The following FGD4 variants were observed in gnomAD, a reference collection of about 807,000 sequenced individuals.
The protein encoded by FGD4 is FYVE, RhoGEF and PH domain containing 4.
In FGD4, 42 loss-of-function variants were observed where a neutral mutation model predicts 102.0. The ratio of observed to expected loss-of-function variants is 0.41; its 90% CI spans 0.32 to 0.53. FGD4 has a LOEUF of 0.53. Ranked by LOEUF, FGD4 falls within the 20% of genes least tolerant of loss-of-function variation. The pLI, the probability that FGD4 is intolerant of heterozygous loss-of-function variation, is 0.21. For synonymous variants in FGD4, 380 were observed against 375.7 expected, an observed-to-expected ratio of 1.01 and a Z score of -0.13; for missense variants, 902 against 1,078.2, an observed-to-expected ratio of 0.84 and a Z score of 2.29.
At chr12:32,581,241 T>A (rs1038009971) in intron 3 of FGD4, among the ~76,000 whole-genome samples, 1 of 152,056 alleles carries the variant, frequency 6.6e-6, no homozygotes, top group Non-Finnish European at 1.5e-5. Context: ...ACACAGTGAG[T>A]TAAGGAAGAA....
At chr12:32,631,842 T>A (rs1198884343) in intron 14 of FGD4, among the ~76,000 whole-genome samples, 1 of 152,188 alleles carries the variant, frequency 6.6e-6, no homozygotes. Context: ...TTTAAAAATC[T>A]GTCACTGAGT....
intron 1 of FGD4, among the ~76,000 whole-genome samples, chr12:32,547,854 C>T (rs73100117): frequency 0.1 from 15,393 of 152,042 alleles, 988 homozygotes; most frequent in Middle Eastern, 0.18. Flanking sequence ...TTATAGGTAC[C>T]CGCCACCACA....
intron 2 of FGD4, among the ~76,000 whole-genome samples, chr12:32,565,600 G>A (rs1050144385): frequency 4.6e-5 from 7 of 152,082 alleles, no homozygotes; most frequent in East Asian, 1.9e-4. Context: ...TACTTAAAAA[G>A]CCTTTATTTT....
intron 1 of FGD4, among the ~76,000 whole-genome samples, chr12:32,477,203 G>A (rs914273513): frequency 2.0e-5 from 3 of 151,872 alleles, no homozygotes; most frequent in Non-Finnish European, 4.4e-5. Flanking sequence ...CAGGAGAATC[G>A]CTTGAACCCA....
chr12:32,552,840 C>T (rs995632784), intron 1 of FGD4, among the ~76,000 whole-genome samples: 37 of 150,840 alleles, frequency 2.5e-4, no homozygotes, highest in African/African-American at 6.3e-4. Flanking sequence ...TGCAATGGCG[C>T]GATCTTGGCT....
chr12:32,582,357 G>T lies in FGD4; in HGVS notation c.901G>T (p.Val301Leu). 1 of 1,614,092 alleles carries T rather than the reference G, an allele frequency of 6.2e-7. No homozygotes were observed. ...SSYRTPGIGP[V>L]LPLEERGAET... ...CTACAGGACTCCAGGCATAGGCCCA[G>T]TGCTCCCCCTAGAAGAAAGAGGGGC... Residue 301 changes from valine (V) to leucine (L), a missense_variant, in exon 4 of 17, where the codon GTG (valine) becomes TTG (leucine). This residue lies in a region of FGD4 where 443 missense variants were observed against 459.2 expected (regional missense o/e 0.96). Coordinates refer to ENST00000534526, the MANE Select transcript of FGD4 (RefSeq NM_001370298.3).
intron 1 of FGD4, among the ~76,000 whole-genome samples, chr12:32,539,863 A>ATAT (rs1942658983): frequency 1.3e-5 from 2 of 152,220 alleles, no homozygotes; most frequent in Non-Finnish European, 2.9e-5. Flanking sequence ...TAGCAAAAAG[A>ATAT]AATTATACAA....
chr12:32,476,441 A>C (rs1243748267), intron 1 of FGD4, among the ~76,000 whole-genome samples: 3 of 152,186 alleles, frequency 2.0e-5, no homozygotes, highest in African/African-American at 7.2e-5. Flanking sequence ...AGATACCTTA[A>C]TTATATGACT....
intron 1 of FGD4, among the ~76,000 whole-genome samples, chr12:32,416,804 A>G (rs1234267407): frequency 6.6e-6 from 1 of 151,984 alleles, no homozygotes; most frequent in Non-Finnish European, 1.5e-5. Context: ...AAAAATTGCC[A>G]TGTTATATTC....
chr12:32,583,638 G>A (rs1946787297), intron 4 of FGD4, among the ~76,000 whole-genome samples: 1 of 152,192 alleles, frequency 6.6e-6, no homozygotes. Flanking sequence ...CTGCCTGGAT[G>A]GGGTTTCTGC....
At chr12:32,498,598 TTTTGTTTGTTTG>T (rs746921570) in intron 1 of FGD4, among the ~76,000 whole-genome samples, 7,651 of 152,138 alleles carry the variant, frequency 0.05, 269 homozygotes, top group South Asian at 0.098. Flanking sequence ...GTTATTGGTT[TTTTGTTTGTTTG>T]TTTGTTTGTT....
intron 1 of FGD4, among the ~76,000 whole-genome samples, chr12:32,507,471 T>C (rs1422346745): frequency 6.6e-6 from 1 of 152,178 alleles, no homozygotes; most frequent in East Asian, 1.9e-4. Context: ...GCTGTTATCC[T>C]CAATTTATGG....
rs1228883447 is a variant in FGD4, at chr12:32,638,692, G to A, written c.2351G>A (p.Cys784Tyr). 5.0e-6 allele frequency: 8 copies of A among 1,614,058 alleles called. No homozygotes were observed. The highest frequency in any genetic ancestry group is 6.8e-6 in the Non-Finnish European group (8 of 1,180,044). ...SAEVSGNSVV[C>Y]SFLQYMEKSK... ...GAAGTATCTGGAAACAGTGTGGTGT[G>A]CAGCTTTCTTCAGTATATGGAGAAG... The change falls in exon 16 of 17, where the codon TGC (cysteine) becomes TAC (tyrosine). Residue 784 changes from cysteine (C) to tyrosine (Y), a missense_variant. Physicochemically the swap from Cys to Tyr is radical, Grantham distance 194. Coordinates refer to ENST00000534526, the MANE Select transcript of FGD4 (RefSeq NM_001370298.3).
At chr12:32,401,344 C>T (rs1940653843) in intron 1 of FGD4, among the ~76,000 whole-genome samples, 1 of 152,200 alleles carries the variant, frequency 6.6e-6, no homozygotes, top group Non-Finnish European at 1.5e-5. Flanking sequence ...ACTGCAACCT[C>T]TGCCTCCCGG....
chr12:32,524,012 A>G (rs970608425), intron 1 of FGD4, among the ~76,000 whole-genome samples: 21 of 151,838 alleles, frequency 1.4e-4, no homozygotes, highest in Non-Finnish European at 7.4e-5. Context: ...TCCGGTTTGA[A>G]TAGCCACTTG....
At chr12:32,591,364 G>C (rs1438388135) in intron 4 of FGD4, among the ~76,000 whole-genome samples, 1 of 152,142 alleles carries the variant, frequency 6.6e-6, no homozygotes, top group African/African-American at 2.4e-5. Flanking sequence ...ATGTTTTTAG[G>C]AAAATTCTTC....
At chr12:32,413,279 T>TA (rs201742019) in intron 1 of FGD4, among the ~76,000 whole-genome samples, 1 of 151,478 alleles carries the variant, frequency 6.6e-6, no homozygotes, top group African/African-American at 2.4e-5. Flanking sequence ...AAAGTATATA[T>TA]AAAAAAAATT....
At chr12:32,483,023 T>G (rs905322432) in intron 1 of FGD4, among the ~76,000 whole-genome samples, 1 of 152,200 alleles carries the variant, frequency 6.6e-6, no homozygotes, top group Non-Finnish European at 1.5e-5. Flanking sequence ...TACTGATAAT[T>G]TTATCAAGAT....
intron 1 of FGD4, among the ~76,000 whole-genome samples, chr12:32,434,448 C>T (rs1401777930): frequency 2.0e-5 from 3 of 152,172 alleles, no homozygotes; most frequent in Non-Finnish European, 4.4e-5. Flanking sequence ...GTTTCTTTCT[C>T]CCTTCAAGTT....
Sources: gnomAD v4.1 joint callset for allele counts (sites outside exome capture counted in the v4.1 genomes callset) on GRCh38, gnomAD v4.1.1 for gene constraint, gnomAD v4.1.1 regional missense constraint, MANE v1.5 for transcripts, NCBI Gene and HGNC (gene_info 2026-07-23, HGNC 2026-07-21) for gene names.